FAM149A: variants seen among roughly 807,000 people sequenced by gnomAD.
The protein encoded by FAM149A is family with sequence similarity 149 member A.
In FAM149A, 71 loss-of-function variants were observed where a neutral mutation model predicts 78.2. That is an observed-to-expected ratio of 0.91 (90% CI 0.75 to 1.11). FAM149A has a LOEUF of 1.11. FAM149A is among the 50% of genes least tolerant of loss of function. The probability of loss-of-function intolerance (pLI) is 0.00; values close to 1 mark genes in which losing one functional copy is unlikely to be tolerated. For synonymous variants in FAM149A, 446 were observed against 410.5 expected (o/e 1.09, Z -1.04); for missense variants, 1,036 against 971.0 (o/e 1.07, Z -0.89).
intron 8 of FAM149A, among the ~76,000 whole-genome samples, chr4:186,161,327 G>A (rs569378748): frequency 1.9e-4 from 29 of 152,264 alleles, no homozygotes; most frequent in Non-Finnish European, 2.9e-4. Flanking sequence ...CTAAACCCGC[G>A]ATCTTTGTGA....
At chr4:186,123,939 A>C (rs1306817077) in intron 1 of FAM149A, 1 of 985,186 alleles carries the variant, frequency 1.0e-6, no homozygotes, top group Non-Finnish European at 1.2e-6. Context: ...TTGCTAAACA[A>C]AATTCTATTC....
intron 1 of FAM149A, among the ~76,000 whole-genome samples, chr4:186,117,037 T>G (rs1349886340): frequency 6.6e-6 from 1 of 152,196 alleles, no homozygotes; most frequent in Non-Finnish European, 1.5e-5. Context: ...CTAACCTCTT[T>G]AAGCTTTACC....
intron 1 of FAM149A, chr4:186,125,351 CCACA>C: frequency 1.0e-6 from 1 of 984,682 alleles, no homozygotes; most frequent in Non-Finnish European, 1.2e-6. Flanking sequence ...CCTGCTACAC[CCACA>C]TCCCCTGCGG....
Position 186,105,372 on chromosome 4 carries a change from G to A in FAM149A, c.296G>A (p.Ser99Asn). 1 of 1,188,408 alleles carries A rather than the reference G, an allele frequency of 8.4e-7. No homozygotes were observed. The highest frequency in any genetic ancestry group is 1.1e-6 in the Non-Finnish European group (1 of 947,736). The allele number at this position is 1,188,408 out of a possible 1,614,324, so 73.6% of individuals were successfully genotyped here. A position where few individuals can be genotyped will look rare whatever the true frequency, so the allele number is the denominator to read the frequency against. The change falls in exon 1 of 14, where the codon AGT (serine) becomes AAT (asparagine). Residue 99 changes from serine to asparagine, a missense_variant. Physicochemically the swap from Ser to Asn is conservative, Grantham distance 46. Coordinates refer to ENST00000389354, the MANE Select transcript of FAM149A (RefSeq NM_001367768.3). Reference sequence around the variant, plus strand: ...GTGGGGACCCTGCTCTCTTGGCCCAGTAGCCCTAGAGCGGGTAAAGCCCCG... The same window carrying A: ...GTGGGGACCCTGCTCTCTTGGCCCAATAGCCCTAGAGCGGGTAAAGCCCCG...
At position 186,105,381 on chromosome 4, in the gene FAM149A, G is replaced by C. The variant is rs923460536; in HGVS notation, c.305G>C (p.Arg102Thr). 1 of 1,185,496 alleles carries C rather than the reference G, an allele frequency of 8.4e-7. No individual in the cohort carries two copies. Among genetic ancestry groups the C allele is most frequent in the Non-Finnish European group, 1.1e-6 (1 of 946,116 alleles). The allele number at this position is 1,185,496 out of a possible 1,614,324, so 73.4% of individuals were successfully genotyped here. A position where few individuals can be genotyped will look rare whatever the true frequency, so the allele number is the denominator to read the frequency against. The change falls in exon 1 of 14, where the codon AGA becomes ACA. Residue 102 changes from arginine to threonine, a missense_variant. Around this residue, in one of 3 missense-constraint regions of FAM149A, gnomAD observed 316 missense variants for 241.9 expected, o/e 1.31. Coordinates refer to ENST00000389354, the MANE Select transcript of FAM149A (RefSeq NM_001367768.3). The stretch of plus-strand genomic sequence containing the variant: ...CTGCTCTCTTGGCCCAGTAGCCCTA[G>C]AGCGGGTAAAGCCCCGCCCCAGCCC...
At chr4:186,125,076 C>G (rs1352684057) in intron 1 of FAM149A, among the ~76,000 whole-genome samples, 1 of 152,148 alleles carries the variant, frequency 6.6e-6, no homozygotes, top group Non-Finnish European at 1.5e-5. Flanking sequence ...TGAGAAGTGT[C>G]TGTTCATATC....
At chr4:186,160,812 A>G (rs1734549336) in intron 8 of FAM149A, 9 of 984,972 alleles carry the variant, frequency 9.1e-6, no homozygotes, top group Non-Finnish European at 1.1e-5. Flanking sequence ...ATCTCCCCAC[A>G]TGGGAGACAG....
intron 3 of FAM149A, chr4:186,150,884 G>C (rs1391210391): frequency 1.7e-5 from 3 of 178,750 alleles, no homozygotes; most frequent in Non-Finnish European, 3.2e-5. Flanking sequence ...GCCATGCCCA[G>C]TTAATTTTTG....
intron 8 of FAM149A, chr4:186,157,949 C>G (rs1364356989): frequency 6.6e-7 from 1 of 1,525,344 alleles, no homozygotes; most frequent in South Asian, 1.2e-5. Flanking sequence ...TGCTCAAGTT[C>G]CTTGCGGTAG....
intron 1 of FAM149A, chr4:186,145,149 C>T (rs987477476): frequency 1.4e-5 from 14 of 985,392 alleles, no homozygotes; most frequent in Non-Finnish European, 1.6e-5. Context: ...GCCTTCTGGC[C>T]GCTCTGCAGG....
chr4:186,129,564 C>T (rs2099319700), intron 1 of FAM149A, among the ~76,000 whole-genome samples: 1 of 152,190 alleles, frequency 6.6e-6, no homozygotes, highest in Non-Finnish European at 1.5e-5. Context: ...AGAAGCTGAA[C>T]ACTAGGTTAA....
Position 186,105,360 on chromosome 4 carries a change from T to C in FAM149A, c.284T>C (p.Leu95Pro). 1 of 1,183,298 alleles carries C rather than the reference T, an allele frequency of 8.5e-7. No individual in the cohort carries two copies. Among genetic ancestry groups the C allele is most frequent in the Non-Finnish European group, 1.1e-6 (1 of 945,466 alleles). 73.3% of individuals were successfully genotyped at this position (1,183,298 alleles called of 1,614,324 possible). A position where few individuals can be genotyped will look rare whatever the true frequency, so the allele number is the denominator to read the frequency against. The change falls in exon 1 of 14, where the codon CTC becomes CCC. Residue 95 changes from leucine to proline, a missense_variant. This residue lies in a region of FAM149A where 316 missense variants were observed against 241.9 expected (regional missense o/e 1.31). Transcript: ENST00000389354. ...GCCGCGGGAGCAGTGGGGACCCTGC[T>C]CTCTTGGCCCAGTAGCCCTAGAGCG...
chr4:186,152,121 G>C, intron 4 of FAM149A, 76 bp downstream of exon 4: 1 of 1,431,192 alleles, frequency 7.0e-7, no homozygotes, highest in East Asian at 2.3e-5. Flanking sequence ...GATACATTCA[G>C]TACATTTGGT....
At position 186,162,863 on chromosome 4, in the gene FAM149A, A is replaced by AGTTTT. The variant is rs770818438; in HGVS notation, c.1595_1599dup (p.Tyr534ValfsTer6). The AGTTTT allele has an allele frequency of 7.7e-6, 10 of 1,294,240 alleles. No homozygotes were observed. Among genetic ancestry groups the AGTTTT allele is most frequent in the Admixed American group, 3.9e-5 (2 of 51,438 alleles). The allele number at this position is 1,294,240 out of a possible 1,614,324, so 80.2% of individuals were successfully genotyped here. A position where few individuals can be genotyped will look rare whatever the true frequency, so the allele number is the denominator to read the frequency against. ...TTCTCAGATTCATCACTTCTCCAGCAGTTTTTATAGTGACATGAATGGTGT... is the reference window on the plus strand; with the variant it reads ...TTCTCAGATTCATCACTTCTCCAGCAGTTTTGTTTTTATAGTGACATGAATGGTGT... On this transcript the variant is annotated frameshift_variant, in exon 9 of 14. Coordinates refer to ENST00000389354, the MANE Select transcript of FAM149A (RefSeq NM_001367768.3). LOFTEE classifies it high-confidence loss of function.
intron 1 of FAM149A, among the ~76,000 whole-genome samples, chr4:186,107,261 G>A (rs769531805): frequency 5.9e-5 from 9 of 152,198 alleles, no homozygotes; most frequent in Non-Finnish European, 1.2e-4. Flanking sequence ...ACTGGTGTTA[G>A]TTTCAATTCT....
Position 186,109,235 on chromosome 4 carries a change from G to C in FAM149A, c.566+3593G>C, listed in dbSNP as rs969969083. On this transcript the variant is annotated intron_variant, in intron 1 of 13. Transcript: ENST00000389354. The stretch of plus-strand genomic sequence containing the variant: ...TAGATAATTGCTGTGTATGAATGTT[G>C]GTAGAGTGTAAACTTCTAGTCAGGA... 22 of 974,714 alleles carry C rather than the reference G, an allele frequency of 2.3e-5. No homozygotes were observed. In the African/African-American group the frequency reaches 2.6e-4, roughly 12 times the overall value. 60.4% of individuals were successfully genotyped at this position (974,714 alleles called of 1,614,324 possible).
Position 186,107,831 on chromosome 4 carries a change from C to T in FAM149A, c.566+2189C>T, listed in dbSNP as rs1346599206. On this transcript the variant is annotated intron_variant, in intron 1 of 13. Coordinates refer to ENST00000389354, the MANE Select transcript of FAM149A (RefSeq NM_001367768.3). ...CTGTCTGCAGCAGCAGGTAGAGGCA[C>T]ACACAGGCAGGAAGCAGACTGGCCC... The T allele has an allele frequency of 2.6e-5, 4 of 152,256 alleles. No individual in the cohort carries two copies. The East Asian group carries it at 7.7e-4, about 29-fold the overall frequency. The allele number at this position is 152,256 out of a possible 1,614,324, so 9.4% of individuals were successfully genotyped here.
chr4:186,172,046 A>C lies in FAM149A; in HGVS notation c.*59A>C. On this transcript the variant is annotated 3_prime_UTR_variant, in exon 14 of 14. Transcript: ENST00000389354. ...GCCTCGGCACACTGCTTATCACTTG[A>C]AAAATGGAGGAACAAGTGTTATATT... The C allele has an allele frequency of 1.3e-6, 2 of 1,580,184 alleles. No homozygotes were observed. The highest frequency in any genetic ancestry group is 1.7e-6 in the Non-Finnish European group (2 of 1,167,336).
At chr4:186,149,800 C>G in intron 3 of FAM149A, 96 bp downstream of exon 3, 1 of 878,788 alleles carries the variant, frequency 1.1e-6, no homozygotes, top group Non-Finnish European at 1.5e-6. Context: ...ATTATAAAAG[C>G]ATGACCTATT....
Sources: allele counts gnomAD v4.1 joint callset (sites outside exome capture counted in the v4.1 genomes callset), GRCh38; gene constraint gnomAD v4.1.1; regional missense constraint gnomAD v4.1.1; transcripts MANE v1.5; gene names NCBI Gene and HGNC (gene_info 2026-07-23, HGNC 2026-07-21).